Variants in NBPF11 observed in about 807,000 individuals in gnomAD.
The protein encoded by NBPF11 is NBPF family member NBPF11.
NBPF11 carries 72 observed loss-of-function variants against 93.9 expected under a neutral mutation model. The observed-to-expected ratio is 0.77, with a 90% CI of 0.63 to 0.93. NBPF11 has a LOEUF of 0.93. Ranked by LOEUF, NBPF11 falls within the 40% of genes least tolerant of loss-of-function variation. The pLI is 0.00. For synonymous variants in NBPF11, 224 were observed against 304.9 expected (o/e 0.73, Z 2.76); for missense variants, 705 against 802.2 (o/e 0.88, Z 1.46).
chr1:148,146,718 T>A (rs1266563539), intron 1 of NBPF11: 1 of 1,611,918 alleles, frequency 6.2e-7, no homozygotes, highest in African/African-American at 1.3e-5. Flanking sequence ...GCTGCGTGCC[T>A]GGTGCCAGGT....
At chr1:148,123,346 GGA>G (rs1428862990) in intron 7 of NBPF11, among the ~76,000 whole-genome samples, 1 of 152,010 alleles carries the variant, frequency 6.6e-6, no homozygotes, top group East Asian at 1.9e-4. Flanking sequence ...AACACCACAC[GGA>G]GAGGGGCTTC....
At chr1:148,113,153 C>G (rs1262055053) in intron 15 of NBPF11, among the ~76,000 whole-genome samples, 1 of 152,012 alleles carries the variant, frequency 6.6e-6, no homozygotes, top group African/African-American at 2.4e-5. Context: ...CTAAATGCCC[C>G]AGTTAAAAAA....
At chr1:148,130,660 C>T (rs1346741992) in intron 4 of NBPF11, among the ~76,000 whole-genome samples, 9 of 150,712 alleles carry the variant, frequency 6.0e-5, no homozygotes, top group East Asian at 2.0e-4. Flanking sequence ...GGCATAATTT[C>T]GGTACAACAG....
chr1:148,145,869 G>A (rs1415500551), intron 1 of NBPF11, among the ~76,000 whole-genome samples: 6 of 151,328 alleles, frequency 4.0e-5, no homozygotes, highest in Non-Finnish European at 7.4e-5. Context: ...AACAGAGTGA[G>A]ATCTTGTCTC....
chr1:148,125,714 G>C (rs1456378563), intron 5 of NBPF11, among the ~76,000 whole-genome samples: 3 of 151,974 alleles, frequency 2.0e-5, no homozygotes, highest in Non-Finnish European at 2.9e-5. Context: ...CAAGGAGATC[G>C]ACAGGAAATA....
chr1:148,122,330 G>C, intron 8 of NBPF11, 64 bp from the exon 9 acceptor site: 2 of 1,609,716 alleles, frequency 1.2e-6, no homozygotes, highest in East Asian at 2.2e-5. Flanking sequence ...ACCCCAAGGA[G>C]TCCTAGCTGG....
chr1:148,122,096 G>A lies in NBPF11; in HGVS notation c.737C>T (p.Ser246Phe), dbSNP rs1332833245. 2 of 1,612,484 alleles carry A rather than the reference G, an allele frequency of 1.2e-6. No homozygotes were observed. The highest frequency in any genetic ancestry group is 2.7e-5 in the African/African-American group (2 of 74,718). The change falls in exon 9 of 24, where the codon TCC (serine) becomes TTC (phenylalanine). Residue 246 changes from serine to phenylalanine, a missense_variant. Ser to Phe is a radical substitution (Grantham distance 155, BLOSUM62 -2). This residue lies in a region of NBPF11 where 262 missense variants were observed against 223.1 expected (regional missense o/e 1.17). Coordinates refer to ENST00000682118, the MANE Select transcript of NBPF11 (RefSeq NM_001385469.3). ...AGCATCCTGACATCCATCATGAGAG[G>A]ATTCTCTGTCTACAACCAGAGATGA... ...VNSSLVVDRE[S>F]SHDGCQDALN...
chr1:148,136,869 G>A (rs1222247269), intron 3 of NBPF11, among the ~76,000 whole-genome samples: 1 of 151,986 alleles, frequency 6.6e-6, no homozygotes, highest in African/African-American at 2.4e-5. Context: ...CACACCTGGT[G>A]TGGATGTTTT....
intron 2 of NBPF11, among the ~76,000 whole-genome samples, chr1:148,140,614 A>G (rs1203806223): frequency 6.6e-6 from 1 of 152,010 alleles, no homozygotes; most frequent in Admixed American, 6.5e-5. Flanking sequence ...TGAACACCTC[A>G]TTAATAAGAT....
intron 5 of NBPF11, among the ~76,000 whole-genome samples, chr1:148,126,269 G>A (rs1489778493): frequency 1.7e-4 from 26 of 152,090 alleles, no homozygotes; most frequent in African/African-American, 6.0e-4. Flanking sequence ...AAAGTGCTGA[G>A]ATTACAGGAG....
In NBPF11 at chr1:148,149,015, T is replaced by C. The variant is rs1415274166; in HGVS notation, c.-549+2735A>G. Reference sequence around the variant, plus strand: ...GGGGGCTGGGGGTGGCCCTCGGGACTGGTGTGGAGCCTGAGCCTGACCCAC... The same window carrying C: ...GGGGGCTGGGGGTGGCCCTCGGGACCGGTGTGGAGCCTGAGCCTGACCCAC... On this transcript the variant is annotated intron_variant, in intron 1 of 23. Transcript: ENST00000682118. 1.7e-5 allele frequency: 11 copies of C among 651,520 alleles called. No homozygotes were observed. The Admixed American group carries it at 3.1e-4, about 18-fold the overall frequency. 40.4% of individuals were successfully genotyped at this position (651,520 alleles called of 1,614,324 possible).
At position 148,103,459 on chromosome 1, in the gene NBPF11, T is replaced by A. The variant is rs1417332084; in HGVS notation, c.*437A>T. The A allele has an allele frequency of 1.8e-5, 14 of 770,178 alleles. No individual in the cohort carries two copies. The East Asian group carries it at 3.8e-4, about 21-fold the overall frequency. 47.7% of individuals were successfully genotyped at this position (770,178 alleles called of 1,614,324 possible). A position where few individuals can be genotyped will look rare whatever the true frequency, so the allele number is the denominator to read the frequency against. ...ATCACTCCCGGCATGTGCTGCACAGTTATGTGAACGTGTCACACCTAACGT... is the reference window on the plus strand; with the variant it reads ...ATCACTCCCGGCATGTGCTGCACAGATATGTGAACGTGTCACACCTAACGT... On this transcript the variant is annotated 3_prime_UTR_variant, in exon 24 of 24. Coordinates refer to ENST00000682118, the MANE Select transcript of NBPF11 (RefSeq NM_001385469.3).
intron 8 of NBPF11, 98 bp downstream of exon 8, chr1:148,122,631 G>A: frequency 3.3e-6 from 5 of 1,535,822 alleles, no homozygotes; most frequent in Non-Finnish European, 4.5e-6. Context: ...CCAAGGGAAT[G>A]CGGGCTTTTG....
rs1172760049 is a variant in NBPF11, at chr1:148,149,208, G to T, written c.-549+2542C>A. The T allele has an allele frequency of 3.9e-6, 6 of 1,550,376 alleles. 1 individual carries two copies. Among genetic ancestry groups the T allele is most frequent in the Non-Finnish European group, 5.2e-6 (6 of 1,146,514 alleles). ...ATCATCCTGTACGGGCAGAGCATCG[G>T]CACGGTGCCCACCATGGACCTGGCC... On this transcript the variant is annotated intron_variant, in intron 1 of 23. Coordinates refer to ENST00000682118, the MANE Select transcript of NBPF11 (RefSeq NM_001385469.3).
intron 1 of NBPF11, among the ~76,000 whole-genome samples, chr1:148,148,978 C>T (rs1351318218): frequency 4.6e-5 from 7 of 151,236 alleles, no homozygotes; most frequent in African/African-American, 1.2e-4. Context: ...CTTCGCCCAC[C>T]GCCACGGTGT....
At chr1:148,119,385 A>T (rs1456123241) in intron 10 of NBPF11, among the ~76,000 whole-genome samples, 1 of 152,054 alleles carries the variant, frequency 6.6e-6, no homozygotes, top group Non-Finnish European at 1.5e-5. Flanking sequence ...ATTGACAAGA[A>T]ATAGCTCATG....
At chr1:148,111,938 G>T (rs1263765258) in intron 15 of NBPF11, among the ~76,000 whole-genome samples, 43 of 150,620 alleles carry the variant, frequency 2.9e-4, no homozygotes, top group Non-Finnish European at 4.3e-4. Flanking sequence ...GCAACCCCAG[G>T]ACACATAATT....
chr1:148,148,054 GTA>G (rs1673484405), intron 1 of NBPF11, among the ~76,000 whole-genome samples: 1 of 152,182 alleles, frequency 6.6e-6, no homozygotes, highest in Non-Finnish European at 1.5e-5. Flanking sequence ...GCTCCTGCCT[GTA>G]GCAGGTGGCA....
Position 148,120,712 on chromosome 1 carries a change from T to C in NBPF11, c.779-2A>G, listed in dbSNP as rs1667624217. The C allele has an allele frequency of 6.7e-7, 1 of 1,501,840 alleles. No homozygotes were observed. Among genetic ancestry groups the C allele is most frequent in the Middle Eastern group, 2.3e-4 (1 of 4,312 alleles). The allele number at this position is 1,501,840 out of a possible 1,614,324, so 93.0% of individuals were successfully genotyped here. A position where few individuals can be genotyped will look rare whatever the true frequency, so the allele number is the denominator to read the frequency against. On this transcript the variant is annotated splice_acceptor_variant, in intron 9 of 23. Transcript: ENST00000682118. LOFTEE classifies it high-confidence loss of function. ...TGGCAGAAGAGGTGGGGCCAGGGAC[T>C]GGGGAGAAGAAAGGCAAACATATGA...
Sources: gnomAD v4.1 joint callset for allele counts (sites outside exome capture counted in the v4.1 genomes callset) on GRCh38, gnomAD v4.1.1 for gene constraint, gnomAD v4.1.1 regional missense constraint, MANE v1.5 for transcripts, NCBI Gene and HGNC (gene_info 2026-07-23, HGNC 2026-07-21) for gene names.